The following DLC1 variants were observed in gnomAD, a reference collection of about 807,000 sequenced individuals.
The protein encoded by DLC1 is DLC1 Rho GTPase activating protein, also known as rho GTPase-activating protein 7.
In DLC1, 54 loss-of-function variants were observed where a neutral mutation model predicts 140.3. The observed-to-expected ratio is 0.38, with a 90% CI of 0.31 to 0.48. The LOEUF (loss-of-function observed/expected upper bound fraction) is 0.48. DLC1 is among the 20% of genes least tolerant of loss of function. The pLI is 0.96. For missense variants in DLC1, 2,536 were observed against 1,907.0 expected (o/e 1.33, Z -6.14); for synonymous variants, 986 against 728.1 (o/e 1.35, Z -5.70).
intron 5 of DLC1, among the ~76,000 whole-genome samples, chr8:13,290,534 T>C (rs1831717137): frequency 6.6e-6 from 1 of 152,338 alleles, no homozygotes; most frequent in Non-Finnish European, 1.5e-5. Context: ...GTGTCCTTTA[T>C]GTTCAAGAAA....
At chr8:13,585,144 T>C (rs1805253943) in intron 1 of DLC1, among the ~76,000 whole-genome samples, 1 of 152,200 alleles carries the variant, frequency 6.6e-6, no homozygotes. Context: ...TGTAATACAA[T>C]GTGGTCAATA....
At chr8:13,526,970 G>A (rs191966302) in intron 1 of DLC1, among the ~76,000 whole-genome samples, 9 of 152,210 alleles carry the variant, frequency 5.9e-5, no homozygotes, top group Admixed American at 2.0e-4. Flanking sequence ...TTATTCTATT[G>A]TGTAGAAATA....
chr8:13,140,471 G>A (rs572983531), intron 5 of DLC1, among the ~76,000 whole-genome samples: 25 of 151,792 alleles, frequency 1.6e-4, no homozygotes, highest in African/African-American at 5.1e-4. Flanking sequence ...GGGCTCAAGC[G>A]ATTCGCCTGC....
chr8:13,578,195 A>G (rs1804914539), intron 1 of DLC1, among the ~76,000 whole-genome samples: 1 of 152,126 alleles, frequency 6.6e-6, no homozygotes, highest in South Asian at 2.1e-4. Flanking sequence ...GGATGACCAC[A>G]TGGCCACCCA....
At chr8:13,513,834 C>A (rs764863258) in intron 1 of DLC1, among the ~76,000 whole-genome samples, 3 of 152,186 alleles carry the variant, frequency 2.0e-5, no homozygotes, top group Middle Eastern at 6.8e-3. Context: ...TGATTTCTGG[C>A]TGCCTTAAAA....
intron 4 of DLC1, among the ~76,000 whole-genome samples, chr8:13,337,337 C>T (rs531390164): frequency 7.9e-5 from 12 of 152,030 alleles, no homozygotes; most frequent in South Asian, 2.1e-4. Context: ...ATTATCTGTC[C>T]GATTTCAGAA....
chr8:13,125,466 C>T (rs1392144271), intron 5 of DLC1, among the ~76,000 whole-genome samples: 2 of 152,214 alleles, frequency 1.3e-5, no homozygotes, highest in African/African-American at 4.8e-5. Context: ...ATTGATCTTT[C>T]ATGTTTACAG....
At position 13,359,321 on chromosome 8, in the gene DLC1, A is replaced by G. The variant is rs1835110395; in HGVS notation, c.1314+34232T>C. On this transcript the variant is annotated intron_variant, in intron 4 of 17. Transcript: ENST00000276297. ...AGCTGATTCGGAATTCCTTATTTGT[A>G]TCCTTAACCCATCAATTTGGCTTTG... Among the ~76,000 whole-genome samples, 6 of 152,142 alleles carry G rather than the reference A, an allele frequency of 3.9e-5. No homozygotes were observed. The South Asian group carries it at 1.2e-3, about 32-fold the overall frequency.
chr8:13,336,383 A>G (rs1343293301), intron 4 of DLC1, among the ~76,000 whole-genome samples: 2 of 152,198 alleles, frequency 1.3e-5, no homozygotes, highest in Non-Finnish European at 1.5e-5. Flanking sequence ...CACTATATTA[A>G]TTTTTCAGAC....
intron 1 of DLC1, among the ~76,000 whole-genome samples, chr8:13,512,970 T>C: frequency 1.5e-4 from 1 of 6,886 alleles, no homozygotes; most frequent in African/African-American, 2.2e-4. Context: ...TTTTACCTTT[T>C]TTTTTTTTTT....
intron 5 of DLC1, among the ~76,000 whole-genome samples, chr8:13,168,357 G>C (rs80205914): frequency 1.3e-5 from 2 of 152,136 alleles, no homozygotes; most frequent in Admixed American, 6.5e-5. Flanking sequence ...TCTGTATCTA[G>C]ATCTCGTTCC....
At chr8:13,343,365 A>G (rs567704948) in intron 4 of DLC1, among the ~76,000 whole-genome samples, 6 of 152,280 alleles carry the variant, frequency 3.9e-5, no homozygotes, top group South Asian at 4.1e-4. Flanking sequence ...ATAACTCCTG[A>G]GATTGTGCAG....
chr8:13,420,607 G>GTGTTCCCCTCCTTT (rs903714650), intron 2 of DLC1, among the ~76,000 whole-genome samples: 8 of 151,860 alleles, frequency 5.3e-5, no homozygotes, highest in African/African-American at 1.4e-4. Flanking sequence ...TCCCCTCCTT[G>GTGTTCCCCTCCTTT]TGTTCCCCTC....
intron 4 of DLC1, among the ~76,000 whole-genome samples, chr8:13,363,912 A>G (rs980621470): frequency 6.6e-6 from 1 of 152,224 alleles, no homozygotes; most frequent in African/African-American, 2.4e-5. Flanking sequence ...AACCAGGTAT[A>G]AAGGTACACA....
At chr8:13,197,454 T>G (rs1563157044) in intron 5 of DLC1, among the ~76,000 whole-genome samples, 1 of 152,044 alleles carries the variant, frequency 6.6e-6, no homozygotes, top group Non-Finnish European at 1.5e-5. Flanking sequence ...GTTCACGCCA[T>G]TCTCCTGCCT....
At chr8:13,160,554 GGGCCTTA>G (rs1350593152) in intron 5 of DLC1, among the ~76,000 whole-genome samples, 2 of 152,142 alleles carry the variant, frequency 1.3e-5, no homozygotes, top group Non-Finnish European at 2.9e-5. Context: ...AGGCGAGCAA[GGGCCTTA>G]GGAATCTCTC....
chr8:13,417,200 ACTTTT>A (rs1219786626), intron 2 of DLC1, among the ~76,000 whole-genome samples: 5 of 151,954 alleles, frequency 3.3e-5, no homozygotes, highest in African/African-American at 1.2e-4. Flanking sequence ...ATGAGTACCT[ACTTTT>A]CTTTATTATT....
At chr8:13,449,174 C>G (rs1331898019) in intron 2 of DLC1, among the ~76,000 whole-genome samples, 2 of 152,144 alleles carry the variant, frequency 1.3e-5, no homozygotes, top group African/African-American at 2.4e-5. Context: ...CTGGGCTTGA[C>G]AAAGACCCTT....
At chr8:13,219,288 TTATA>T (rs1157328857) in intron 5 of DLC1, among the ~76,000 whole-genome samples, 2 of 132,970 alleles carry the variant, frequency 1.5e-5, no homozygotes, top group African/African-American at 5.4e-5. Flanking sequence ...ATGAATATAA[TTATA>T]TAGTTATATT....
Sources: gnomAD v4.1 joint callset for allele counts (sites outside exome capture counted in the v4.1 genomes callset) on GRCh38, gnomAD v4.1.1 for gene constraint, MANE v1.5 for transcripts, NCBI Gene and HGNC (gene_info 2026-07-23, HGNC 2026-07-21) for gene names.